Variants in BNC2 observed in about 807,000 individuals in gnomAD.
BNC2 encodes the protein zinc finger protein basonuclin-2.
In BNC2, 20 loss-of-function variants were observed where a neutral mutation model predicts 76.3. That is an observed-to-expected ratio of 0.26 (90% CI 0.18 to 0.38). The LOEUF (loss-of-function observed/expected upper bound fraction) is 0.38. Ranked by LOEUF, BNC2 falls within the 10% of genes least tolerant of loss-of-function variation. The probability of loss-of-function intolerance (pLI) is 1.00; values close to 1 mark genes in which losing one functional copy is unlikely to be tolerated. For missense variants in BNC2, 1,382 were observed against 1,399.8 expected (o/e 0.99, Z 0.20); for synonymous variants, 582 against 514.8 (o/e 1.13, Z -1.77).
At chr9:16,751,694 A>G (rs75115917) in intron 1 of BNC2, among the ~76,000 whole-genome samples, 27 of 4,460 alleles carry the variant, frequency 6.1e-3, no homozygotes, top group East Asian at 0.017. Flanking sequence ...GTATGTGTGT[A>G]TATATATATA....
intron 3 of BNC2, among the ~76,000 whole-genome samples, chr9:16,590,372 T>C (rs1431830091): frequency 6.6e-6 from 1 of 151,960 alleles, no homozygotes; most frequent in Non-Finnish European, 1.5e-5. Context: ...TTGGTATTTT[T>C]AGTAGAGACA....
chr9:16,808,422 C>T (rs1817963508), intron 1 of BNC2, among the ~76,000 whole-genome samples: 1 of 150,668 alleles, frequency 6.6e-6, no homozygotes, highest in South Asian at 2.1e-4. Flanking sequence ...TGGAATCACA[C>T]CAACCTGAGC....
rs1436622630 is a variant in BNC2 at position 16,539,695 on chromosome 9, A to G, written c.669+12835T>C. ...GGGAGGGAGGAAGGAAGGAAGGGAG[A>G]AAGGAAGGGAGGAAGGAAGGAAGGG... On this transcript the variant is annotated intron_variant, in intron 5 of 6. Transcript: ENST00000380672. Among the ~76,000 whole-genome samples, 4 of 108,094 alleles carry G rather than the reference A, an allele frequency of 3.7e-5. 1 individual carries two copies. Among genetic ancestry groups the G allele is most frequent in the African/African-American group, 9.9e-5 (2 of 20,164 alleles). 70.9% of individuals were successfully genotyped at this position (108,094 alleles called of 152,430 possible).
Position 16,696,749 on chromosome 9 carries a change from A to T in BNC2, c.330+31048T>A, listed in dbSNP as rs1043927958. Among the ~76,000 whole-genome samples the T allele has an allele frequency of 2.6e-5, 4 of 152,334 alleles. No individual in the cohort carries two copies. The South Asian group carries it at 8.3e-4, about 32-fold the overall frequency. ...ACAATGTTACAAATAGAGTGATTTT[A>T]ACTATTTCATTATTCCAGCAGATCC... On this transcript the variant is annotated intron_variant, in intron 3 of 6. Transcript: ENST00000380672.
rs543562529 is a variant in BNC2, at chr9:16,850,075, A to C, written c.3+20571T>G. On this transcript the variant is annotated intron_variant, in intron 1 of 6. Transcript: ENST00000380672. ...TATCTGTCAACCTCTCTAATTTCTT[A>C]TCTAAGACCTATATATAAAACCATT... Among the ~76,000 whole-genome samples, 3 of 152,316 alleles carry C rather than the reference A, an allele frequency of 2.0e-5. No individual in the cohort carries two copies. The South Asian group carries it at 6.2e-4, about 32-fold the overall frequency.
At chr9:16,652,038 A>G (rs1351534857) in intron 3 of BNC2, among the ~76,000 whole-genome samples, 1 of 152,184 alleles carries the variant, frequency 6.6e-6, no homozygotes, top group Non-Finnish European at 1.5e-5. Context: ...TTATAAGTGG[A>G]ATATCCTTTT....
At chr9:16,739,436 A>T (rs1242165837) in intron 1 of BNC2, among the ~76,000 whole-genome samples, 1 of 152,246 alleles carries the variant, frequency 6.6e-6, no homozygotes, top group Non-Finnish European at 1.5e-5. Context: ...TGGAAAGCCG[A>T]GGCGGGCAGA....
intron 5 of BNC2, among the ~76,000 whole-genome samples, chr9:16,497,628 A>C (rs1822417129): frequency 6.6e-6 from 1 of 152,196 alleles, no homozygotes; most frequent in African/African-American, 2.4e-5. Context: ...TAGGACTACA[A>C]GGTATAAAAA....
chr9:16,637,388 G>C (rs1279344378), intron 3 of BNC2, among the ~76,000 whole-genome samples: 2 of 152,192 alleles, frequency 1.3e-5, no homozygotes, highest in Admixed American at 6.5e-5. Context: ...AAACACAGCA[G>C]TTCAAGTTGT....
chr9:16,453,368 C>T (rs1365315946), intron 5 of BNC2, among the ~76,000 whole-genome samples: 1 of 152,156 alleles, frequency 6.6e-6, no homozygotes, highest in Non-Finnish European at 1.5e-5. Flanking sequence ...GGCACTCCTG[C>T]CTGCTCACAC....
At chr9:16,632,133 C>T (rs185385375) in intron 3 of BNC2, among the ~76,000 whole-genome samples, 16 of 152,288 alleles carry the variant, frequency 1.1e-4, no homozygotes, top group African/African-American at 3.1e-4. Context: ...GCTCAGTCTC[C>T]TTACTCCAGA....
chr9:16,737,083 G>A (rs929322678), intron 2 of BNC2, among the ~76,000 whole-genome samples: 5 of 151,882 alleles, frequency 3.3e-5, no homozygotes, highest in Non-Finnish European at 5.9e-5. Flanking sequence ...TGGGATTACA[G>A]GCGAGAGCCA....
At chr9:16,700,028 C>T (rs912823093) in intron 3 of BNC2, among the ~76,000 whole-genome samples, 28 of 152,152 alleles carry the variant, frequency 1.8e-4, no homozygotes, top group African/African-American at 6.8e-4. Flanking sequence ...TTTATCTTCT[C>T]CATCCTTATG....
chr9:16,546,069 T>A (rs561283013), intron 5 of BNC2, among the ~76,000 whole-genome samples: 1 of 152,352 alleles, frequency 6.6e-6, no homozygotes, highest in African/African-American at 2.4e-5. Context: ...TTTTTAAACA[T>A]TTGGCATTGG....
At chr9:16,711,076 C>T (rs34852279) in intron 3 of BNC2, among the ~76,000 whole-genome samples, 4 of 152,032 alleles carry the variant, frequency 2.6e-5, no homozygotes, top group African/African-American at 4.8e-5. Context: ...CTACGTGACA[C>T]GATTTGAGCA....
chr9:16,788,284 T>G (rs1254500841), intron 1 of BNC2, among the ~76,000 whole-genome samples: 2 of 152,044 alleles, frequency 1.3e-5, no homozygotes, highest in Non-Finnish European at 2.9e-5. Flanking sequence ...CCAGGCGCGG[T>G]GGCTCACGCC....
At chr9:16,527,606 G>C (rs1817845051) in intron 5 of BNC2, among the ~76,000 whole-genome samples, 1 of 152,160 alleles carries the variant, frequency 6.6e-6, no homozygotes. Context: ...ACTTTTCTGT[G>C]AACGACAACT....
At chr9:16,699,951 T>C (rs547836241) in intron 3 of BNC2, among the ~76,000 whole-genome samples, 1 of 150,784 alleles carries the variant, frequency 6.6e-6, no homozygotes, top group East Asian at 1.9e-4. Flanking sequence ...TGGCAGTTAA[T>C]TTGTTTTACA....
At chr9:16,740,458 T>C (rs1427103580) in intron 1 of BNC2, among the ~76,000 whole-genome samples, 1 of 152,226 alleles carries the variant, frequency 6.6e-6, no homozygotes, top group African/African-American at 2.4e-5. Context: ...TGTATATTTG[T>C]GGCTAAAATA....
Sources: gnomAD v4.1 joint callset for allele counts (sites outside exome capture counted in the v4.1 genomes callset) on GRCh38, gnomAD v4.1.1 for gene constraint, MANE v1.5 for transcripts, NCBI Gene and HGNC (gene_info 2026-07-23, HGNC 2026-07-21) for gene names.